The following IPO11 variants were observed in gnomAD, a reference collection of about 807,000 sequenced individuals.
The protein encoded by IPO11 is importin-11.
IPO11 carries 66 observed loss-of-function variants against 143.2 expected under a neutral mutation model. The ratio of observed to expected loss-of-function variants is 0.46; its 90% confidence interval spans 0.38 to 0.57. The LOEUF (loss-of-function observed/expected upper bound fraction) is 0.57. IPO11 is among the 20% of genes least tolerant of loss of function. The pLI is 0.00. For missense variants in IPO11, 1,026 were observed against 1,141.0 expected, an observed-to-expected ratio of 0.90 and a Z score of 1.45; for synonymous variants, 385 against 377.8, an observed-to-expected ratio of 1.02 and a Z score of -0.22.
chr5:62,532,750 G>A (rs369653451), intron 22 of IPO11, among the ~76,000 whole-genome samples: 15 of 152,172 alleles, frequency 9.9e-5, no homozygotes, highest in African/African-American at 3.6e-4. Flanking sequence ...ATAATGCCTG[G>A]CACATAGTAA....
In IPO11 at chr5:62,577,694, ATC is replaced by A. The variant is rs560349316; in HGVS notation, c.2583-13881_2583-13880del. On this transcript the variant is annotated intron_variant, in intron 27 of 29. Transcript: ENST00000325324. ...AGAATCATAAGTCATTTTGATAACGATCTGCTATCCAGTATGCATTGCTGAAT... is the reference window on the plus strand; with the variant it reads ...AGAATCATAAGTCATTTTGATAACGATGCTATCCAGTATGCATTGCTGAAT... 2.4e-4 allele frequency among the ~76,000 whole-genome samples: 37 copies of A among 152,240 alleles called. 1 individual carries two copies. In the East Asian group the frequency reaches 6.6e-3, roughly 27 times the overall value.
At position 62,429,587 on chromosome 5, in the gene IPO11, CGTGTGTGTGT is replaced by C. The variant is rs56185914; in HGVS notation, c.-6-7656_-6-7647del. On this transcript the variant is annotated intron_variant, in intron 1 of 29. Transcript: ENST00000325324. ...CACACCACCATGCCCGTCTGATTTT[CGTGTGTGTGT>C]GTGTGTGTGTGTGTGTGTGTGTGTG... Among the ~76,000 whole-genome samples the C allele has an allele frequency of 7.0e-4, 90 of 128,576 alleles. 1 individual carries two copies. Among genetic ancestry groups the C allele is most frequent in the East Asian group, 1.9e-3 (8 of 4,236 alleles). 84.4% of individuals were successfully genotyped at this position (128,576 alleles called of 152,430 possible). A position where few individuals can be genotyped will look rare whatever the true frequency, so the allele number is the denominator to read the frequency against.
At chr5:62,416,954 A>G (rs1743315284) in intron 1 of IPO11, among the ~76,000 whole-genome samples, 1 of 151,816 alleles carries the variant, frequency 6.6e-6, no homozygotes, top group Admixed American at 6.6e-5. Flanking sequence ...GCTTGTCTCA[A>G]ACTCCTGGGT....
At chr5:62,606,096 G>A (rs1250175005) in intron 29 of IPO11, among the ~76,000 whole-genome samples, 1 of 152,000 alleles carries the variant, frequency 6.6e-6, no homozygotes, top group East Asian at 1.9e-4. Flanking sequence ...TATCTGTGGT[G>A]TACAACATGG....
In IPO11 at chr5:62,628,010, C is replaced by T. The variant is rs1458360726; in HGVS notation, c.*692C>T. Reference sequence around the variant, plus strand: ...CATTTGTAAGGGCCACAAAAGTGAACGTGTGGTACTGTAGTACCACGTGGG... The same window carrying T: ...CATTTGTAAGGGCCACAAAAGTGAATGTGTGGTACTGTAGTACCACGTGGG... On this transcript the variant is annotated 3_prime_UTR_variant, in exon 30 of 30. Transcript: ENST00000325324. The T allele has an allele frequency of 6.6e-6, 1 of 151,708 alleles. No homozygotes were observed. The highest frequency in any genetic ancestry group is 2.4e-5 in the African/African-American group (1 of 41,264). The allele number at this position is 151,708 out of a possible 1,614,324, so 9.4% of individuals were successfully genotyped here.
intron 26 of IPO11, among the ~76,000 whole-genome samples, chr5:62,557,339 A>G (rs192373126): frequency 4.3e-4 from 65 of 152,214 alleles, no homozygotes; most frequent in African/African-American, 1.5e-3. Flanking sequence ...GCACGCCACC[A>G]AGCCTGGCTA....
chr5:62,530,047 CA>C (rs1742492361), intron 21 of IPO11, among the ~76,000 whole-genome samples: 1 of 152,134 alleles, frequency 6.6e-6, no homozygotes, highest in Non-Finnish European at 1.5e-5. Flanking sequence ...AAGCATTTAG[CA>C]TAAGTTTTAC....
chr5:62,483,480 A>T, intron 10 of IPO11, 187 bp downstream of exon 10: 1 of 464,998 alleles, frequency 2.2e-6, no homozygotes, highest in Non-Finnish European at 3.7e-6. Flanking sequence ...AACATAGTGC[A>T]TTTAATAAGC....
At chr5:62,513,305 C>CA (rs1741848586) in intron 19 of IPO11, among the ~76,000 whole-genome samples, 3 of 61,928 alleles carry the variant, frequency 4.8e-5, no homozygotes, top group Admixed American at 1.7e-4. Context: ...GCTGGCTGGG[C>CA]GTGGGGCTGA....
chr5:62,619,261 G>A (rs1260039839), intron 29 of IPO11, among the ~76,000 whole-genome samples: 1 of 152,062 alleles, frequency 6.6e-6, no homozygotes, highest in Admixed American at 6.6e-5. Flanking sequence ...CATTCTTTTA[G>A]CAATAGCTTG....
rs1323351338 is a variant in IPO11, at chr5:62,451,750, G to A, written c.333G>A (p.Val111=). The change falls in exon 5 of 30, where the codon GTG becomes GTA. Residue 111 remains valine, a synonymous_variant. Transcript: ENST00000325324. ...TTCAGATTGCAACTCAGATTGCAGT[G>A]CTCATTGCAAAAGTTGCTAGATTGG... ...PINQIATQIA[V]LIAKVARLDC... 2 of 1,614,042 alleles carry A rather than the reference G, an allele frequency of 1.2e-6. 1 individual carries two copies. Among genetic ancestry groups the A allele is most frequent in the South Asian group, 2.2e-5 (2 of 91,080 alleles).
chr5:62,491,385 A>T (rs1308556902), intron 15 of IPO11, among the ~76,000 whole-genome samples: 1 of 152,182 alleles, frequency 6.6e-6, no homozygotes, highest in Non-Finnish European at 1.5e-5. Flanking sequence ...TCAGGGAGCT[A>T]GTGAGCCTTT....
intron 29 of IPO11, among the ~76,000 whole-genome samples, chr5:62,617,886 T>C (rs753096490): frequency 7.2e-5 from 11 of 152,170 alleles, no homozygotes; most frequent in Non-Finnish European, 1.3e-4. Flanking sequence ...ATAGTAAGTC[T>C]TCCCCACAGC....
chr5:62,426,248 A>G (rs1355293292), intron 1 of IPO11, among the ~76,000 whole-genome samples: 2 of 152,140 alleles, frequency 1.3e-5, no homozygotes, highest in Non-Finnish European at 2.9e-5. Context: ...TTAGCTGGGC[A>G]TGGTGGCGGG....
In IPO11 at chr5:62,435,192, A is replaced by G. The variant is rs146706820; in HGVS notation, c.-6-2082A>G. ...TATATGTATATATGTATATATATGT[A>G]TATATATGTATATATATGTGTATAT... On this transcript the variant is annotated intron_variant, in intron 1 of 29. Transcript: ENST00000325324. Among the ~76,000 whole-genome samples, 389 of 83,542 alleles carry G rather than the reference A, an allele frequency of 4.7e-3. 7 individuals are homozygous for G. The highest frequency in any genetic ancestry group is 0.011 in the East Asian group (26 of 2,386). The allele number at this position is 83,542 out of a possible 152,430, so 54.8% of individuals were successfully genotyped here. A position where few individuals can be genotyped will look rare whatever the true frequency, so the allele number is the denominator to read the frequency against.
chr5:62,607,553 A>G (rs534615229), intron 29 of IPO11, among the ~76,000 whole-genome samples: 2 of 152,118 alleles, frequency 1.3e-5, no homozygotes, highest in Non-Finnish European at 2.9e-5. Flanking sequence ...TAATGTATGC[A>G]TAAAATACAT....
intron 11 of IPO11, 40 bp downstream of exon 11, chr5:62,484,202 CCT>C: frequency 1.3e-6 from 2 of 1,515,162 alleles, no homozygotes; most frequent in Admixed American, 4.5e-5. Context: ...ACTTTTCTCC[CCT>C]TTCTATAAAT....
chr5:62,435,048 G>A (rs785655), intron 1 of IPO11, among the ~76,000 whole-genome samples: 1 of 111,416 alleles, frequency 9.0e-6, no homozygotes, highest in Non-Finnish European at 1.9e-5. Context: ...ATATGTATAT[G>A]TGTATATATA....
intron 29 of IPO11, among the ~76,000 whole-genome samples, chr5:62,605,136 A>G (rs1201935708): frequency 2.0e-5 from 3 of 152,192 alleles, no homozygotes. Flanking sequence ...CTAGGAAGAA[A>G]AATATAGCTG....
Sources: allele counts gnomAD v4.1 joint callset (sites outside exome capture counted in the v4.1 genomes callset), GRCh38; gene constraint gnomAD v4.1.1; transcripts MANE v1.5; gene names NCBI Gene and HGNC (gene_info 2026-07-23, HGNC 2026-07-21).